IL34: variants seen among roughly 807,000 people sequenced by gnomAD.
IL34 encodes interleukin-34.
A neutral mutation model predicts 25.3 loss-of-function variants in IL34; 17 were observed. That is an observed-to-expected ratio of 0.67 (90% CI 0.46 to 1.01). The LOEUF is 1.01. Among genes scored for constraint, IL34 ranks in the 50% least tolerant of loss-of-function variants. IL34 has a pLI of 0.00. For missense variants in IL34, 368 were observed against 312.9 expected, an observed-to-expected ratio of 1.18 and a Z score of -1.33; for synonymous variants, 174 against 140.9, an observed-to-expected ratio of 1.23 and a Z score of -1.66.
upstream of IL34, among the ~76,000 whole-genome samples, chr16:70,643,030 C>T (rs1180045843): frequency 2.6e-5 from 4 of 152,150 alleles, no homozygotes; most frequent in East Asian, 7.7e-4. Context: ...CACTAAAAAC[C>T]CACAAAGTTG....
At chr16:70,644,843 G>C (rs1454436988), upstream of IL34, among the ~76,000 whole-genome samples, 2 of 142,616 alleles carry the variant, frequency 1.4e-5, no homozygotes, top group Non-Finnish European at 3.0e-5. Flanking sequence ...GGAAGAGGAA[G>C]GAGGGAAGAG....
chr16:70,638,410 G>A (rs1002200496), intron 1 of IL34, among the ~76,000 whole-genome samples: 1 of 151,238 alleles, frequency 6.6e-6, no homozygotes, highest in African/African-American at 2.4e-5. Flanking sequence ...CCAGGAGTTT[G>A]AGGCAACAGA....
intron 1 of IL34, among the ~76,000 whole-genome samples, chr16:70,611,126 G>A (rs1402700616): frequency 2.6e-5 from 4 of 152,198 alleles, no homozygotes; most frequent in East Asian, 1.9e-4. Context: ...CTACAGGTGC[G>A]CACCACCACG....
At chr16:70,584,329 T>A (rs548729662) in intron 1 of IL34, among the ~76,000 whole-genome samples, 27 of 152,284 alleles carry the variant, frequency 1.8e-4, no homozygotes, top group African/African-American at 5.8e-4. Context: ...GACAGCTCCG[T>A]CTGTGCATCC....
chr16:70,643,917 A>G (rs903354679), upstream of IL34, among the ~76,000 whole-genome samples: 7 of 152,310 alleles, frequency 4.6e-5, 1 homozygote, highest in Admixed American at 6.5e-5. Flanking sequence ...TTGCTTTAAA[A>G]TATTCCTGGA....
At position 70,656,993 on chromosome 16, in the gene IL34, T is replaced by G; in HGVS notation, c.274T>G (p.Tyr92Asp). The G allele has an allele frequency of 6.2e-7, 1 of 1,611,468 alleles. No individual in the cohort carries two copies. Among genetic ancestry groups the G allele is most frequent in the Non-Finnish European group, 8.5e-7 (1 of 1,179,536 alleles). ...RAQVSERELR[Y>D]LWVLVSLSAT... Reference sequence around the variant, plus strand: ...CCAGGTGAGCGAGCGGGAGCTGCGGTATCTGTGGGTCTTGGTGAGCCTCAG... The same window carrying G: ...CCAGGTGAGCGAGCGGGAGCTGCGGGATCTGTGGGTCTTGGTGAGCCTCAG... The change falls in exon 4 of 6, where the codon TAT becomes GAT. Residue 92 changes from tyrosine to aspartate, a missense_variant. Tyr to Asp is a radical substitution (Grantham distance 160). Coordinates refer to ENST00000288098, the MANE Select transcript of IL34 (RefSeq NM_001393494.1).
In IL34 at chr16:70,659,841, C is replaced by T. The variant is rs76305541; in HGVS notation, c.538+88C>T. The T allele has an allele frequency of 1.5e-3, 2,203 of 1,512,946 alleles. 31 individuals carry two copies. The African/African-American group carries it at 0.025, about 17-fold the overall frequency. 93.7% of individuals were successfully genotyped at this position (1,512,946 alleles called of 1,614,324 possible). On this transcript the variant is annotated intron_variant, in intron 5 of 5. Coordinates refer to ENST00000288098, the MANE Select transcript of IL34 (RefSeq NM_001393494.1). ...CCAGCTGGCAGAGCTGGCGTCCTCC[C>T]GGGCATATCCTCTGCTCCCCGGGGC... is the stretch of plus-strand genomic sequence containing the variant.
intron 1 of IL34, among the ~76,000 whole-genome samples, chr16:70,610,528 C>A (rs1348564023): frequency 6.6e-6 from 1 of 152,236 alleles, no homozygotes; most frequent in African/African-American, 2.4e-5. Flanking sequence ...GAACCAGGCT[C>A]TGTCCCCAGA....
At chr16:70,602,322 G>A (rs943550286) in intron 1 of IL34, among the ~76,000 whole-genome samples, 2 of 152,290 alleles carry the variant, frequency 1.3e-5, no homozygotes, top group Admixed American at 1.3e-4. Context: ...TGCCAGCTGC[G>A]TGGCTTTAAG....
At chr16:70,583,455 G>A (rs1213234241) in intron 1 of IL34, among the ~76,000 whole-genome samples, 3 of 152,142 alleles carry the variant, frequency 2.0e-5, no homozygotes, top group African/African-American at 7.2e-5. Flanking sequence ...TTCGAGGGAC[G>A]AAGCGAGTGT....
Position 70,619,209 on chromosome 16 carries a change from G to A in IL34, c.-400-27339G>A, listed in dbSNP as rs551466715. Among the ~76,000 whole-genome samples the A allele has an allele frequency of 1.2e-3, 187 of 152,248 alleles. 1 individual carries two copies. The highest frequency in any genetic ancestry group is 3.3e-3 in the South Asian group (16 of 4,810). On this transcript the variant is annotated intron_variant, in intron 1 of 6. Transcript: ENST00000429149. Reference sequence around the variant, plus strand: ...TCTTTTTAAAGCGTGCTGCGGGATGGGATATTGGCGTTGAGTGGGGTAAGG... The same window carrying A: ...TCTTTTTAAAGCGTGCTGCGGGATGAGATATTGGCGTTGAGTGGGGTAAGG...
chr16:70,630,380 C>T (rs893764396), intron 1 of IL34, among the ~76,000 whole-genome samples: 10 of 152,162 alleles, frequency 6.6e-5, no homozygotes, highest in Middle Eastern at 3.4e-3. Context: ...TACAGGTGTG[C>T]ACCACCATGC....
At chr16:70,655,973 T>C (rs1449087321) in intron 2 of IL34, among the ~76,000 whole-genome samples, 2 of 152,230 alleles carry the variant, frequency 1.3e-5, no homozygotes, top group Non-Finnish European at 2.9e-5. Flanking sequence ...TCAAAGAGTT[T>C]TTAGTTCACA....
chr16:70,582,319 A>C (rs2050644466), intron 1 of IL34, among the ~76,000 whole-genome samples: 1 of 152,248 alleles, frequency 6.6e-6, no homozygotes, highest in African/African-American at 2.4e-5. Flanking sequence ...CCTCCTCGAC[A>C]TGCAGGTTTA....
intron 1 of IL34, among the ~76,000 whole-genome samples, chr16:70,631,936 A>C (rs1408326725): frequency 2.0e-5 from 3 of 149,746 alleles, no homozygotes; most frequent in African/African-American, 7.4e-5. Context: ...CAAAAAAAAA[A>C]TTATAATACA....
intron 1 of IL34, among the ~76,000 whole-genome samples, chr16:70,647,359 C>G (rs564818605): frequency 1.4e-4 from 21 of 152,308 alleles, no homozygotes; most frequent in Non-Finnish European, 2.5e-4. Flanking sequence ...GTGAAAGTGT[C>G]TAGGGACCCA....
At chr16:70,630,982 T>A (rs1438704591) in intron 1 of IL34, among the ~76,000 whole-genome samples, 2 of 152,248 alleles carry the variant, frequency 1.3e-5, no homozygotes, top group Non-Finnish European at 2.9e-5. Context: ...TTCAATATAC[T>A]GATTTCCTTT....
intron 1 of IL34, among the ~76,000 whole-genome samples, chr16:70,640,256 C>T (rs1270228467): frequency 2.0e-5 from 3 of 152,176 alleles, no homozygotes; most frequent in Admixed American, 6.5e-5. Context: ...ATCATCCTGC[C>T]TTAGCCTTCT....
intron 2 of IL34, 98 bp downstream of exon 2, chr16:70,654,769 C>G (rs542686087): frequency 7.0e-7 from 1 of 1,422,792 alleles, no homozygotes; most frequent in Admixed American, 2.2e-5. Context: ...GGACCTGTGT[C>G]AGCCCTGAGC....
Sources: allele counts gnomAD v4.1 joint callset (sites outside exome capture counted in the v4.1 genomes callset), GRCh38; gene constraint gnomAD v4.1.1; transcripts MANE v1.5; gene names NCBI Gene and HGNC (gene_info 2026-07-23, HGNC 2026-07-21).